TBXAS1: variants seen among roughly 807,000 people sequenced by gnomAD.
TBXAS1 encodes the protein thromboxane-A synthase.
TBXAS1 carries 48 observed loss-of-function variants against 60.7 expected under a neutral mutation model. That is an observed-to-expected ratio of 0.79 (90% CI 0.63 to 1.01). The LOEUF is 1.01. TBXAS1 is among the 50% of genes least tolerant of loss of function. The pLI is 0.00. For missense variants in TBXAS1, 685 were observed against 686.3 expected, an observed-to-expected ratio of 1.00 and a Z score of 0.02; for synonymous variants, 287 against 269.7, an observed-to-expected ratio of 1.06 and a Z score of -0.63.
intron 10 of TBXAS1, among the ~76,000 whole-genome samples, chr7:140,010,436 G>A (rs1315163085): frequency 6.6e-6 from 1 of 152,206 alleles, no homozygotes; most frequent in Non-Finnish European, 1.5e-5. Context: ...GCTGTGCGGT[G>A]CAGTTCTGAA....
At chr7:139,825,820 T>C (rs916385094), upstream of TBXAS1, among the ~76,000 whole-genome samples, 6 of 152,186 alleles carry the variant, frequency 3.9e-5, no homozygotes, top group Non-Finnish European at 5.9e-5. Flanking sequence ...GAAAACTACA[T>C]CTGGGATATG....
At chr7:139,782,911 A>G (rs1205089655) in intron 3 of TBXAS1, among the ~76,000 whole-genome samples, 1 of 151,976 alleles carries the variant, frequency 6.6e-6, no homozygotes, top group Non-Finnish European at 1.5e-5. Flanking sequence ...CTGTTTCTTA[A>G]CAAGTCATAA....
intron 8 of TBXAS1, among the ~76,000 whole-genome samples, chr7:139,959,342 G>T (rs41728): frequency 6.6e-6 from 1 of 152,050 alleles, no homozygotes; most frequent in Non-Finnish European, 1.5e-5. Flanking sequence ...GTGAAAATGC[G>T]GCACAGATGT....
intron 4 of TBXAS1, among the ~76,000 whole-genome samples, chr7:139,802,797 A>G (rs534077992): frequency 1.3e-5 from 2 of 151,930 alleles, no homozygotes; most frequent in East Asian, 3.9e-4. Context: ...AGAAAAGAAG[A>G]AGAAGAAGAG....
rs1413227888 is a variant in TBXAS1 at position 140,011,685 on chromosome 7, G to A, written c.1227-4038G>A. On this transcript the variant is annotated intron_variant, in intron 10 of 12. Coordinates refer to ENST00000448866, the MANE Select transcript of TBXAS1 (RefSeq NM_001061.7). ...TCTGCCAGGGACCAGGGAGAGGGGA[G>A]GGGAGGGAGTTAGTGTTTAAGGGAT... Among the ~76,000 whole-genome samples, 3 of 152,136 alleles carry A rather than the reference G, an allele frequency of 2.0e-5. No individual in the cohort carries two copies. The East Asian group carries it at 5.8e-4, about 29-fold the overall frequency.
intron 5 of TBXAS1, among the ~76,000 whole-genome samples, chr7:139,944,439 A>G (rs935246766): frequency 2.0e-5 from 3 of 152,228 alleles, no homozygotes; most frequent in African/African-American, 7.2e-5. Flanking sequence ...TGTTTGGTGC[A>G]CACTTCACTA....
chr7:139,836,122 G>T (rs540863245), intron 1 of TBXAS1, among the ~76,000 whole-genome samples: 29 of 151,834 alleles, frequency 1.9e-4, no homozygotes, highest in Admixed American at 1.8e-3. Context: ...GAGTTGAAAA[G>T]CCTCTACAGG....
intron 9 of TBXAS1, among the ~76,000 whole-genome samples, chr7:139,991,060 A>G (rs548473335): frequency 9.8e-5 from 15 of 152,332 alleles, no homozygotes; most frequent in African/African-American, 3.6e-4. Flanking sequence ...GCCACGATCT[A>G]TGGGCTGAAA....
At chr7:139,953,297 C>A (rs564400151) in intron 5 of TBXAS1, 71 bp from the exon 6 acceptor site, 1 of 1,294,210 alleles carries the variant, frequency 7.7e-7, no homozygotes. Context: ...CATATAACCT[C>A]TTCATCTGCA....
chr7:139,892,883 A>T (rs988193836), intron 3 of TBXAS1, among the ~76,000 whole-genome samples: 3 of 150,728 alleles, frequency 2.0e-5, no homozygotes, highest in Non-Finnish European at 4.4e-5. Context: ...GTCTCCAGGG[A>T]CTCCTCCGCC....
intron 1 of TBXAS1, among the ~76,000 whole-genome samples, chr7:139,857,909 T>C (rs1346067329): frequency 6.6e-6 from 1 of 151,796 alleles, no homozygotes; most frequent in Non-Finnish European, 1.5e-5. Flanking sequence ...TTTAAAAATT[T>C]TTTTTGTAGA....
chr7:139,908,249 C>G (rs1402847958), intron 3 of TBXAS1, among the ~76,000 whole-genome samples: 4 of 151,866 alleles, frequency 2.6e-5, no homozygotes, highest in African/African-American at 9.7e-5. Flanking sequence ...ATAGACGATT[C>G]ATTTAAGATC....
In TBXAS1 at chr7:139,875,603, A is replaced by G; in HGVS notation, c.202A>G (p.Met68Val). ...CCTTCAGGGTTTTTGGGAAAGCCAA[A>G]TGGAGCTCAGAAAGCTGTATGGACC... ...FFRQGFWESQ[M>V]ELRKLYGPLC... is the part of the protein sequence containing the mutation. The change falls in exon 3 of 13, where the codon ATG (methionine) becomes GTG (valine). Residue 68 changes from methionine (M) to valine (V), a missense_variant. Transcript: ENST00000448866. 1.9e-6 allele frequency: 3 copies of G among 1,614,214 alleles called. No individual in the cohort carries two copies. Among genetic ancestry groups the G allele is most frequent in the Non-Finnish European group, 2.5e-6 (3 of 1,180,036 alleles).
chr7:139,866,852 A>G (rs1422808246), intron 1 of TBXAS1, among the ~76,000 whole-genome samples: 1 of 152,182 alleles, frequency 6.6e-6, no homozygotes. Context: ...AAAAACCAAG[A>G]GAATGACAAT....
intron 3 of TBXAS1, among the ~76,000 whole-genome samples, chr7:139,910,411 C>T (rs1281136727): frequency 5.9e-5 from 9 of 151,978 alleles, no homozygotes; most frequent in East Asian, 1.9e-4. Flanking sequence ...CCGAGGTGGG[C>T]GGATCACTTG....
At chr7:139,957,809 G>T in intron 8 of TBXAS1, 45 bp downstream of exon 8, 2 of 1,612,564 alleles carry the variant, frequency 1.2e-6, no homozygotes, top group Non-Finnish European at 1.7e-6. Flanking sequence ...GAATGGAGCC[G>T]ACTTTGGCAT....
At chr7:139,844,487 A>G (rs2116599861) in intron 1 of TBXAS1, among the ~76,000 whole-genome samples, 1 of 152,372 alleles carries the variant, frequency 6.6e-6, no homozygotes, top group Non-Finnish European at 1.5e-5. Context: ...CTGATCAATG[A>G]GATAACCAGC....
At chr7:139,940,583 C>T (rs2284208) in intron 5 of TBXAS1, among the ~76,000 whole-genome samples, 114,705 of 151,958 alleles carry the variant, frequency 0.75, 43,399 homozygotes, top group Admixed American at 0.8. Flanking sequence ...CACCTCAGAC[C>T]GACTACATCT....
intron 4 of TBXAS1, among the ~76,000 whole-genome samples, chr7:139,822,215 AG>A (rs1237253990): frequency 2.0e-5 from 3 of 152,082 alleles, no homozygotes; most frequent in Non-Finnish European, 4.4e-5. Flanking sequence ...CAGTAAAATA[AG>A]GTTCCTCAGC....
Sources: allele counts gnomAD v4.1 joint callset (sites outside exome capture counted in the v4.1 genomes callset), GRCh38; gene constraint gnomAD v4.1.1; transcripts MANE v1.5; gene names NCBI Gene and HGNC (gene_info 2026-07-23, HGNC 2026-07-21).